The following TMEM163 variants were observed in gnomAD, a reference collection of about 807,000 sequenced individuals.
TMEM163 encodes the protein transmembrane protein 163.
Under a neutral mutation model 29.3 loss-of-function variants are expected in TMEM163, and 17 were observed. That is an observed-to-expected ratio of 0.58 (90% CI 0.40 to 0.87). The LOEUF (loss-of-function observed/expected upper bound fraction) is 0.87. Among genes scored for constraint, TMEM163 ranks in the 40% least tolerant of loss-of-function variants. TMEM163 has a pLI of 0.00. For missense variants in TMEM163, 303 were observed against 381.5 expected, an observed-to-expected ratio of 0.79 and a Z score of 1.71; for synonymous variants, 157 against 160.6, an observed-to-expected ratio of 0.98 and a Z score of 0.17.
At chr2:134,702,236 A>G (rs1684720615) in intron 2 of TMEM163, among the ~76,000 whole-genome samples, 1 of 152,214 alleles carries the variant, frequency 6.6e-6, no homozygotes, top group Admixed American at 6.5e-5. Context: ...CTCCCCTAAC[A>G]TGAATGATGA....
At chr2:134,554,415 C>T (rs1574233228) in intron 2 of TMEM163, among the ~76,000 whole-genome samples, 1 of 133,870 alleles carries the variant, frequency 7.5e-6, no homozygotes, top group African/African-American at 3.1e-5. Flanking sequence ...AGAGCGAGAC[C>T]CCATCTCAAA....
At chr2:134,682,796 T>C (rs559463500) in intron 2 of TMEM163, among the ~76,000 whole-genome samples, 1 of 152,216 alleles carries the variant, frequency 6.6e-6, no homozygotes, top group Non-Finnish European at 1.5e-5. Context: ...TGAAAATTTA[T>C]GTCCATACAA....
chr2:134,557,828 T>G (rs1250956383), intron 2 of TMEM163, among the ~76,000 whole-genome samples: 2 of 152,118 alleles, frequency 1.3e-5, no homozygotes, highest in African/African-American at 4.8e-5. Flanking sequence ...GAGGGAGGTA[T>G]GTAGCTTCTC....
chr2:134,703,708 A>T (rs965163480), intron 2 of TMEM163, among the ~76,000 whole-genome samples: 1 of 152,148 alleles, frequency 6.6e-6, no homozygotes, highest in African/African-American at 2.4e-5. Flanking sequence ...CCTGTTATTT[A>T]CACAAGTAAA....
intron 2 of TMEM163, among the ~76,000 whole-genome samples, chr2:134,622,065 AG>A (rs1682748868): frequency 6.6e-6 from 1 of 152,202 alleles, no homozygotes; most frequent in Non-Finnish European, 1.5e-5. Context: ...AAAACACAAA[AG>A]ACTGTGTATT....
At chr2:134,490,788 C>G (rs1679412342) in intron 5 of TMEM163, among the ~76,000 whole-genome samples, 1 of 152,080 alleles carries the variant, frequency 6.6e-6, no homozygotes, top group Admixed American at 6.5e-5. Flanking sequence ...CTCATGACCG[C>G]TAGAGCTCAC....
chr2:134,493,187 G>T (rs981174556), intron 5 of TMEM163, among the ~76,000 whole-genome samples: 1 of 151,834 alleles, frequency 6.6e-6, no homozygotes, highest in African/African-American at 2.4e-5. Flanking sequence ...TTATTGGGTT[G>T]TTTGCCTTCT....
intron 4 of TMEM163, among the ~76,000 whole-genome samples, chr2:134,536,656 C>A (rs1225322606): frequency 6.6e-6 from 1 of 152,066 alleles, no homozygotes; most frequent in Non-Finnish European, 1.5e-5. Context: ...TAGGATTGTT[C>A]TAAGGATTAA....
intron 2 of TMEM163, among the ~76,000 whole-genome samples, chr2:134,577,453 G>C (rs1681581344): frequency 6.6e-6 from 1 of 152,156 alleles, no homozygotes; most frequent in South Asian, 2.1e-4. Context: ...AATACACAAG[G>C]GTCAGAAGCC....
intron 2 of TMEM163, among the ~76,000 whole-genome samples, chr2:134,564,751 A>C (rs1681258941): frequency 6.6e-6 from 1 of 152,226 alleles, no homozygotes; most frequent in African/African-American, 2.4e-5. Flanking sequence ...ATGAAAATAT[A>C]CTCTACTTAT....
At chr2:134,669,901 T>G (rs1683953338) in intron 2 of TMEM163, among the ~76,000 whole-genome samples, 1 of 151,868 alleles carries the variant, frequency 6.6e-6, no homozygotes, top group Non-Finnish European at 1.5e-5. Context: ...TGTTCAAGGG[T>G]TCCCTGACCA....
At chr2:134,560,378 G>A (rs7594815) in intron 2 of TMEM163, among the ~76,000 whole-genome samples, 1,852 of 152,254 alleles carry the variant, frequency 0.012, 37 homozygotes, top group African/African-American at 0.042. Context: ...ATAGAACATG[G>A]AAAACTTTCA....
rs1311547121 is a variant in TMEM163 at position 134,649,590 on chromosome 2, A to C, written c.322+63610T>G. On this transcript the variant is annotated intron_variant, in intron 2 of 7. Transcript: ENST00000281924. ...TAGATAAATGCTTACACTGATTTTAAACTTGTAAGTACAGTGAAATTACAT... is the reference window on the plus strand; with the variant it reads ...TAGATAAATGCTTACACTGATTTTACACTTGTAAGTACAGTGAAATTACAT... Among the ~76,000 whole-genome samples the C allele has an allele frequency of 3.3e-5, 5 of 152,234 alleles. No homozygotes were observed. In the East Asian group the frequency reaches 9.6e-4, roughly 29 times the overall value.
intron 2 of TMEM163, among the ~76,000 whole-genome samples, chr2:134,661,930 T>C (rs1239975380): frequency 3.1e-5 from 4 of 130,620 alleles, no homozygotes; most frequent in East Asian, 2.1e-4. Context: ...ATTTTCTTTC[T>C]TTTTTTTTTT....
At chr2:134,527,521 G>C (rs539480719) in intron 4 of TMEM163, among the ~76,000 whole-genome samples, 8 of 152,312 alleles carry the variant, frequency 5.3e-5, no homozygotes, top group African/African-American at 1.4e-4. Context: ...AGGAGTGAAG[G>C]GGAAGAGCAG....
chr2:134,573,694 T>A (rs1245735584), intron 2 of TMEM163, among the ~76,000 whole-genome samples: 1 of 152,190 alleles, frequency 6.6e-6, no homozygotes, highest in Non-Finnish European at 1.5e-5. Flanking sequence ...TGACATATAA[T>A]AAAAATGAGA....
Position 134,713,325 on chromosome 2 carries a change from A to C in TMEM163, c.203-6T>G. The C allele has an allele frequency of 6.2e-7, 1 of 1,613,338 alleles. No homozygotes were observed. Among genetic ancestry groups the C allele is most frequent in the South Asian group, 1.1e-5 (1 of 90,916 alleles). ...GGTGCTGCTTTCTAGTAAGCCTGAC[A>C]AAAACAAGGAGAAAGGGAAGTTAGA... On this transcript the variant is annotated splice_region_variant and splice_polypyrimidine_tract_variant and intron_variant, in intron 1 of 7. Transcript: ENST00000281924.
chr2:134,458,388 C>T (rs991120647), intron 6 of TMEM163: 1 of 576,476 alleles, frequency 1.7e-6, no homozygotes, highest in Non-Finnish European at 3.1e-6. Flanking sequence ...CACCATCATT[C>T]TGTACCTGCT....
At position 134,550,812 on chromosome 2, in the gene TMEM163, GCCCT is replaced by G; in HGVS notation, c.367-155_367-152del. 8.2e-6 allele frequency: 6 copies of G among 732,782 alleles called. No homozygotes were observed. In the Admixed American group the frequency reaches 1.3e-4, roughly 16 times the overall value. 45.4% of individuals were successfully genotyped at this position (732,782 alleles called of 1,614,324 possible). A position where few individuals can be genotyped will look rare whatever the true frequency, so the allele number is the denominator to read the frequency against. On this transcript the variant is annotated intron_variant, in intron 3 of 7. Transcript: ENST00000281924. ...CATCATTACGACGCAGCCACTTACT[GCCCT>G]CATGCCTGGGGCGTCTGGAGCTCAG... is the stretch of plus-strand genomic sequence containing the variant.
Sources: gnomAD v4.1 joint callset for allele counts (sites outside exome capture counted in the v4.1 genomes callset) on GRCh38, gnomAD v4.1.1 for gene constraint, MANE v1.5 for transcripts, NCBI Gene and HGNC (gene_info 2026-07-23, HGNC 2026-07-21) for gene names.